The following NECTIN2 variants were observed in gnomAD, a reference collection of about 807,000 sequenced individuals.
The protein encoded by NECTIN2 is nectin cell adhesion molecule 2.
A neutral mutation model predicts 56.9 loss-of-function variants in NECTIN2; 23 were observed. The ratio of observed to expected loss-of-function variants is 0.40; its 90% CI spans 0.29 to 0.57. The LOEUF is 0.57. NECTIN2 is among the 20% of genes least tolerant of loss of function. The probability of loss-of-function intolerance (pLI) is 0.38; values close to 1 mark genes in which losing one functional copy is unlikely to be tolerated. For missense variants in NECTIN2, 587 were observed against 718.3 expected (o/e 0.82, Z 2.09); for synonymous variants, 302 against 313.8 (o/e 0.96, Z 0.40).
intron 5 of NECTIN2, among the ~76,000 whole-genome samples, chr19:44,877,472 G>A (rs562218277): frequency 1.3e-5 from 2 of 152,238 alleles, no homozygotes. Context: ...CCCCTGCAGG[G>A]AGCACTAAGG....
intron 6 of NECTIN2, 55 bp from the exon 7 acceptor site, chr19:44,885,882 A>C: frequency 7.1e-7 from 1 of 1,415,148 alleles, no homozygotes; most frequent in Non-Finnish European, 1.0e-6. Flanking sequence ...ATAACCCCGG[A>C]GTCAGAGGGA....
rs750412834 is a variant in NECTIN2 at position 44,878,602 on chromosome 19, G to C, written c.1043-3609G>C. On this transcript the variant is annotated intron_variant, in intron 5 of 8. Transcript: ENST00000252483. ...AGCTGGACGGCTCCCTCATCTCACG[G>C]CGGGCAGTTTATGTGTGACCTGGAC... is the stretch of plus-strand genomic sequence containing the variant. 3.7e-6 allele frequency: 6 copies of C among 1,602,836 alleles called. No individual in the cohort carries two copies. In the African/African-American group the frequency reaches 6.7e-5, roughly 18 times the overall value.
At chr19:44,886,855 A>G (rs1210102862) in intron 8 of NECTIN2, among the ~76,000 whole-genome samples, 2 of 152,118 alleles carry the variant, frequency 1.3e-5, no homozygotes, top group African/African-American at 4.8e-5. Flanking sequence ...AGCGTGGGCA[A>G]CATGGGCTAC....
At chr19:44,873,796 T>C (rs1568595975) in intron 3 of NECTIN2, 120 bp from the exon 4 acceptor site, 1 of 729,270 alleles carries the variant, frequency 1.4e-6, no homozygotes, top group Non-Finnish European at 2.4e-6. Flanking sequence ...CCAGACAGTT[T>C]TGACTGCTGT....
chr19:44,862,992 C>CAAAAAAAAA (rs57740346), intron 1 of NECTIN2, among the ~76,000 whole-genome samples: 3 of 123,114 alleles, frequency 2.4e-5, no homozygotes, highest in Non-Finnish European at 3.3e-5. Context: ...ACTAAAAATA[C>CAAAAAAAAA]AAAAAAAAAA....
At position 44,874,552 on chromosome 19, in the gene NECTIN2, G is replaced by A; in HGVS notation, c.1042+74G>A. 2 of 1,576,750 alleles carry A rather than the reference G, an allele frequency of 1.3e-6. No individual in the cohort carries two copies. Among genetic ancestry groups the A allele is most frequent in the Non-Finnish European group, 1.7e-6 (2 of 1,160,104 alleles). On this transcript the variant is annotated intron_variant, in intron 5 of 8. Transcript: ENST00000252483. The surrounding 1 kb of genome is among the most constrained non-coding windows in gnomAD (Gnocchi z 6.3). Reference sequence around the variant, plus strand: ...GGAGTTCTGCCCTTCAGGACTTGGGGCTGCACTGGGGGAGGCTGCGCCGCC... The same window carrying A: ...GGAGTTCTGCCCTTCAGGACTTGGGACTGCACTGGGGGAGGCTGCGCCGCC...
chr19:44,866,326 G>T (rs1230255455), intron 2 of NECTIN2, among the ~76,000 whole-genome samples: 4 of 151,982 alleles, frequency 2.6e-5, no homozygotes, highest in Admixed American at 6.6e-5. Context: ...GATCGCTTGA[G>T]ACCAGGAATT....
In NECTIN2 at chr19:44,872,079, G is replaced by A. The variant is rs572960076; in HGVS notation, c.705G>A (p.Thr235=). Reference sequence around the variant, plus strand: ...CCTCGGGCCGAGCAGATGGTGTCACGGTCACCTGCAAAGTGGAGCATGAGA... The same window carrying A: ...CCTCGGGCCGAGCAGATGGTGTCACAGTCACCTGCAAAGTGGAGCATGAGA... The part of the protein sequence containing the change: ...LVPSGRADGV[T]VTCKVEHESF... Residue 235 remains threonine, a synonymous_variant, in exon 3 of 9, where the codon ACG becomes ACA. Coordinates refer to ENST00000252483, the MANE Select transcript of NECTIN2 (RefSeq NM_001042724.2). The A allele has an allele frequency of 6.2e-6, 10 of 1,614,146 alleles. No homozygotes were observed. In the East Asian group the frequency reaches 6.7e-5, roughly 11 times the overall value.
At chr19:44,882,435 G>C in intron 6 of NECTIN2, 71 bp downstream of exon 6, 1 of 1,268,444 alleles carries the variant, frequency 7.9e-7, no homozygotes, top group Non-Finnish European at 1.0e-6. Context: ...TAGGGGTGAG[G>C]GTGGGAGAAA....
chr19:44,884,030 G>GT (rs1969334806), intron 6 of NECTIN2, among the ~76,000 whole-genome samples: 1 of 151,824 alleles, frequency 6.6e-6, no homozygotes, highest in East Asian at 1.9e-4. Flanking sequence ...TGAGGTGGGG[G>GT]TGGGGGCATG....
At chr19:44,878,848 A>C (rs1481249742) in intron 5 of NECTIN2, 2 of 1,319,154 alleles carry the variant, frequency 1.5e-6, no homozygotes, top group African/African-American at 3.0e-5. Context: ...GGATCCAGAG[A>C]GGACCCCCGC....
chr19:44,860,042 C>T (rs403155), intron 1 of NECTIN2, among the ~76,000 whole-genome samples: 48,000 of 152,046 alleles, frequency 0.32, 8,653 homozygotes, highest in Non-Finnish European at 0.39. Context: ...GAGTGAAGCG[C>T]CGACACGTGT....
At chr19:44,882,592 C>A (rs1969319678) in intron 6 of NECTIN2, among the ~76,000 whole-genome samples, 1 of 150,120 alleles carries the variant, frequency 6.7e-6, no homozygotes, top group Admixed American at 6.7e-5. Flanking sequence ...TTACACCTGC[C>A]ATCCCAGCAC....
At chr19:44,883,023 C>A (rs553300599) in intron 6 of NECTIN2, among the ~76,000 whole-genome samples, 1 of 152,104 alleles carries the variant, frequency 6.6e-6, no homozygotes, top group East Asian at 1.9e-4. Context: ...CCTTGGGATC[C>A]CCCCTCCTCA....
chr19:44,868,906 T>C (rs1159493479), intron 2 of NECTIN2, among the ~76,000 whole-genome samples: 2 of 137,064 alleles, frequency 1.5e-5, no homozygotes, highest in Non-Finnish European at 3.2e-5. Flanking sequence ...AGTGAGACTC[T>C]GTCTGGAAAA....
chr19:44,848,748 C>T (rs545342561), intron 1 of NECTIN2, among the ~76,000 whole-genome samples: 1 of 151,712 alleles, frequency 6.6e-6, no homozygotes, highest in South Asian at 2.1e-4. Context: ...CTTCGTTTCT[C>T]ACCCTTTCTC....
At position 44,871,828 on chromosome 19, in the gene NECTIN2, G is replaced by A. The variant is rs780274110; in HGVS notation, c.479-25G>A. 1.6e-5 allele frequency: 26 copies of A among 1,603,202 alleles called. No individual in the cohort carries two copies. In the African/African-American group the frequency reaches 2.4e-4, roughly 15 times the overall value. On this transcript the variant is annotated intron_variant, in intron 2 of 8. Transcript: ENST00000252483. ...TGAATGACTGCCGGTGAGGAGTGAC[G>A]CACCCCCTCTCCTCCTCTCCCCAGC...
At chr19:44,867,338 T>A (rs1023826983) in intron 2 of NECTIN2, among the ~76,000 whole-genome samples, 8 of 151,800 alleles carry the variant, frequency 5.3e-5, no homozygotes, top group Admixed American at 5.3e-4. Flanking sequence ...GAAAAAAAAA[T>A]TGTTTTAATT....
At chr19:44,872,450 C>T (rs979920041) in intron 3 of NECTIN2, among the ~76,000 whole-genome samples, 4 of 152,148 alleles carry the variant, frequency 2.6e-5, no homozygotes, top group East Asian at 1.9e-4. Flanking sequence ...GAAGTCTTCT[C>T]GGTAGCTTGA....
Sources: gnomAD v4.1 joint callset for allele counts (sites outside exome capture counted in the v4.1 genomes callset) on GRCh38, gnomAD v4.1.1 for gene constraint, Gnocchi (gnomAD v3.1) non-coding constraint, MANE v1.5 for transcripts, NCBI Gene and HGNC (gene_info 2026-07-23, HGNC 2026-07-21) for gene names.